NOL6: variants seen among roughly 807,000 people sequenced by gnomAD.
NOL6 encodes nucleolar protein 6.
NOL6 carries 33 observed loss-of-function variants against 131.7 expected under a neutral mutation model. The observed-to-expected ratio is 0.25, with a 90% CI of 0.19 to 0.33. The LOEUF is 0.33. Ranked by LOEUF, NOL6 falls within the 10% of genes least tolerant of loss-of-function variation. NOL6 has a pLI of 1.00. For synonymous variants in NOL6, 580 were observed against 605.7 expected (o/e 0.96, Z 0.62); for missense variants, 1,297 against 1,494.5 (o/e 0.87, Z 2.18).
In NOL6 at chr9:33,465,309, C is replaced by T. The variant is rs1271891824; in HGVS notation, c.2579G>A (p.Arg860Gln). 1 of 1,591,102 alleles carries T rather than the reference C, an allele frequency of 6.3e-7. No individual in the cohort carries two copies. ...ACCAAGAAGCTGGGCACGCACCCAC[C>T]GCTTGGCCAGCCGTGCCACACCAGA... Reference protein sequence around the residue: ...AFSGVARLAKRWVRAQLLGEG... With the variant: ...AFSGVARLAKQWVRAQLLGEG... Residue 860 changes from arginine to glutamine, a missense_variant, in exon 20 of 26, where the codon CGG becomes CAG. Physicochemically the swap from Arg to Gln is conservative, Grantham distance 43. Transcript: ENST00000297990.
In NOL6 at chr9:33,467,896, G is replaced by A. The variant is rs1338862520; in HGVS notation, c.1425-28C>T. 1.9e-6 allele frequency: 3 copies of A among 1,583,048 alleles called. No individual in the cohort carries two copies. The highest frequency in any genetic ancestry group is 1.7e-6 in the Non-Finnish European group (2 of 1,162,442). Reference sequence around the variant, plus strand: ...GGAGGGGTACAAAGGGCCAAAGAGGGGTAATCAGGTTGCTGGCCCCTAGTA... The same window carrying A: ...GGAGGGGTACAAAGGGCCAAAGAGGAGTAATCAGGTTGCTGGCCCCTAGTA... On this transcript the variant is annotated intron_variant, in intron 11 of 25. Transcript: ENST00000297990. This position sits in a 1 kb window ranked among gnomAD's most constrained non-coding sequence, Gnocchi z 4.4.
chr9:33,469,919 C>T (rs1827361031), intron 4 of NOL6, 93 bp downstream of exon 4: 2 of 1,334,126 alleles, frequency 1.5e-6, no homozygotes, highest in Admixed American at 2.5e-5. Context: ...ATTCTGACTT[C>T]AATCCCCTGG....
Position 33,464,863 on chromosome 9 carries a change from C to CT in NOL6, c.2779+15dup. Reference sequence around the variant, plus strand: ...AGCTGTTCTTCCAGCAGTCTGACCCCTGTTCTACCACTTACCAGTGAGCTC... The same window carrying CT: ...AGCTGTTCTTCCAGCAGTCTGACCCCTTGTTCTACCACTTACCAGTGAGCTC... On this transcript the variant is annotated intron_variant, in intron 21 of 25. Transcript: ENST00000297990. 6.3e-7 allele frequency: 1 copy of CT among 1,582,638 alleles called. No individual in the cohort carries two copies. The highest frequency in any genetic ancestry group is 8.7e-7 in the Non-Finnish European group (1 of 1,151,894).
In NOL6 at chr9:33,467,344, T is replaced by A. The variant is rs937088045; in HGVS notation, c.1725+50A>T. 1 of 1,610,162 alleles carries A rather than the reference T, an allele frequency of 6.2e-7. No individual in the cohort carries two copies. The highest frequency in any genetic ancestry group is 8.5e-7 in the Non-Finnish European group (1 of 1,176,786). ...CCAACAAGCTTCAGTCCAGGTGCCA[T>A]GAGGACGAGCCACCCCATTCCTTCC... On this transcript the variant is annotated intron_variant, in intron 13 of 25. Transcript: ENST00000297990. This position sits in a 1 kb window ranked among gnomAD's most constrained non-coding sequence, Gnocchi z 4.4.
Position 33,472,426 on chromosome 9 carries a change from G to A in NOL6, c.55-14C>T, listed in dbSNP as rs1308682506. On this transcript the variant is annotated splice_polypyrimidine_tract_variant and intron_variant, in intron 1 of 25. Coordinates refer to ENST00000297990, the MANE Select transcript of NOL6 (RefSeq NM_022917.5). Reference sequence around the variant, plus strand: ...TGGTTCCATCACCTGTGGCCAGTGAGGGAGAAGCCATTTTGAGGTAATAGG... The same window carrying A: ...TGGTTCCATCACCTGTGGCCAGTGAAGGAGAAGCCATTTTGAGGTAATAGG... The A allele has an allele frequency of 6.2e-7, 1 of 1,608,952 alleles. No individual in the cohort carries two copies.
chr9:33,470,509 G>A (rs1274939103), intron 3 of NOL6: 3 of 166,262 alleles, frequency 1.8e-5, no homozygotes, highest in Non-Finnish European at 3.9e-5. Context: ...TGGCTAACAC[G>A]GTGAAACCCC....
chr9:33,468,104 G>A lies in NOL6; in HGVS notation c.1350C>T (p.Ser450=). ...GCAGGTGGAACCCGTCGTCAGCTCTGCTGTCCAGCAACATCATAGACAGCC... is the reference window on the plus strand; with the variant it reads ...GCAGGTGGAACCCGTCGTCAGCTCTACTGTCCAGCAACATCATAGACAGCC... ...EARLSMMLLD[S]RADDGFHLLL... The change falls in exon 11 of 26, where the codon AGC becomes AGT. Residue 450 remains serine (S), a synonymous_variant. Transcript: ENST00000297990. 6.2e-7 allele frequency: 1 copy of A among 1,614,168 alleles called. No individual in the cohort carries two copies. Among genetic ancestry groups the A allele is most frequent in the Non-Finnish European group, 8.5e-7 (1 of 1,180,030 alleles).
Position 33,461,836 on chromosome 9 carries a change from C to A in NOL6, c.*828G>T. ...GACCAGACTGAAAGGAGGCAGCATT[C>A]TCCTCCTTGGGCCCTGGGAGCTCCT... On this transcript the variant is annotated 3_prime_UTR_variant, in exon 26 of 26. Transcript: ENST00000297990. 1 of 276,632 alleles carries A rather than the reference C, an allele frequency of 3.6e-6. No homozygotes were observed. The highest frequency in any genetic ancestry group is 4.5e-5 in the Admixed American group (1 of 22,138). The allele number at this position is 276,632 out of a possible 1,614,324, so 17.1% of individuals were successfully genotyped here. A position where few individuals can be genotyped will look rare whatever the true frequency, so the allele number is the denominator to read the frequency against.
intron 4 of NOL6, 115 bp from the exon 5 acceptor site, chr9:33,469,782 G>C: frequency 7.7e-6 from 10 of 1,303,582 alleles, no homozygotes; most frequent in Non-Finnish European, 1.1e-5. Flanking sequence ...AAGTGCCTGA[G>C]CCACGGTTAG....
At position 33,461,666 on chromosome 9, in the gene NOL6, G is replaced by A. The variant is rs1827097301; in HGVS notation, c.*998C>T. The A allele has an allele frequency of 1.3e-5, 2 of 155,010 alleles. No homozygotes were observed. Among genetic ancestry groups the A allele is most frequent in the African/African-American group, 4.8e-5 (2 of 41,570 alleles). The allele number at this position is 155,010 out of a possible 1,614,324, so 9.6% of individuals were successfully genotyped here. A position where few individuals can be genotyped will look rare whatever the true frequency, so the allele number is the denominator to read the frequency against. On this transcript the variant is annotated 3_prime_UTR_variant, in exon 26 of 26. Coordinates refer to ENST00000297990, the MANE Select transcript of NOL6 (RefSeq NM_022917.5). ...GCCTGCCAAACGAACTGAACAGACA[G>A]TAACTGCTCTAATAGTTCAGAGGAG...
Position 33,463,427 on chromosome 9 carries a change from C to A in NOL6, c.3009G>T (p.Pro1003=). Reference sequence around the variant, plus strand: ...TCAGCACGTCGTAAATGTCCAAGGGCGGCCGGAACACTGTCTAAGGAAGGG... The same window carrying A: ...TCAGCACGTCGTAAATGTCCAAGGGAGGCCGGAACACTGTCTAAGGAAGGG... ...GPGDIRTVFR[P]PLDIYDVLIR... is the part of the protein sequence containing the mutation. Residue 1003 remains proline (P), a synonymous_variant, in exon 24 of 26, where the codon CCG becomes CCT. Coordinates refer to ENST00000297990, the MANE Select transcript of NOL6 (RefSeq NM_022917.5). The A allele has an allele frequency of 2.5e-6, 4 of 1,611,724 alleles. No homozygotes were observed. Among genetic ancestry groups the A allele is most frequent in the Non-Finnish European group, 3.4e-6 (4 of 1,178,692 alleles).
chr9:33,465,655 G>T, intron 19 of NOL6, 79 bp downstream of exon 19: 2 of 1,475,950 alleles, frequency 1.4e-6, no homozygotes, highest in Non-Finnish European at 1.8e-6. Flanking sequence ...CTGGCCCCTG[G>T]AGAGACAGGT....
chr9:33,462,143 A>G lies in NOL6; in HGVS notation c.*521T>C. ...CCTTCAATGTGGTCTATTCATACAC[A>G]TATAGCCCCTTTCCACTGCTCAGTG... On this transcript the variant is annotated 3_prime_UTR_variant, in exon 26 of 26. Transcript: ENST00000297990. 1 of 717,502 alleles carries G rather than the reference A, an allele frequency of 1.4e-6. No homozygotes were observed. Among genetic ancestry groups the G allele is most frequent in the East Asian group, 2.7e-5 (1 of 37,298 alleles). The allele number at this position is 717,502 out of a possible 1,614,324, so 44.4% of individuals were successfully genotyped here. A position where few individuals can be genotyped will look rare whatever the true frequency, so the allele number is the denominator to read the frequency against.
intron 23 of NOL6, 78 bp from the exon 24 acceptor site, chr9:33,463,519 C>T: frequency 7.5e-7 from 1 of 1,337,146 alleles, no homozygotes; most frequent in Non-Finnish European, 1.0e-6. Context: ...CACACGCCCA[C>T]CTTGGTTTCC....
At chr9:33,471,905 AC>A in intron 3 of NOL6, 98 bp downstream of exon 3, 1 of 871,424 alleles carries the variant, frequency 1.1e-6, no homozygotes, top group Non-Finnish European at 1.9e-6. Flanking sequence ...AGCTCCCTGC[AC>A]CCCAACCCTT....
In NOL6 at chr9:33,472,070, C is replaced by G. The variant is rs771324135; in HGVS notation, c.312G>C (p.Arg104=). 5.0e-6 allele frequency: 8 copies of G among 1,613,808 alleles called. No homozygotes were observed. Among genetic ancestry groups the G allele is most frequent in the Non-Finnish European group, 6.8e-6 (8 of 1,180,048 alleles). The change falls in exon 3 of 26, where the codon CGG becomes CGC. Residue 104 remains arginine (R), a synonymous_variant. Transcript: ENST00000297990. ...TGACCTCCCGTAGGAAGGCATCAAT[C>G]CGATCCTTCTTCTTCTCTGACAGCC... is the stretch of plus-strand genomic sequence containing the variant. The part of the protein sequence containing the change: ...EVRLSEKKKD[R]IDAFLREVNQ...
rs2275228 is a variant in NOL6, at chr9:33,467,579, T to C, written c.1603-63A>G. The C allele has an allele frequency of 0.22, 351,500 of 1,596,068 alleles. 40,136 individuals carry two copies. The highest frequency in any genetic ancestry group is 0.29 in the Admixed American group (16,959 of 58,150). On this transcript the variant is annotated intron_variant, in intron 12 of 25. Transcript: ENST00000297990. The surrounding 1 kb of genome is among the most constrained non-coding windows in gnomAD (Gnocchi z 4.4). ...CCTCCAGCCTGGCCTAGAAACCTAC[T>C]TTCTAGCTAGCTAGAAACGCCTAGC...
Position 33,467,279 on chromosome 9 carries a change from G to T in NOL6, c.1726-17C>A. 6.2e-7 allele frequency: 1 copy of T among 1,613,458 alleles called. No individual in the cohort carries two copies. The highest frequency in any genetic ancestry group is 8.5e-7 in the Non-Finnish European group (1 of 1,179,502). On this transcript the variant is annotated splice_polypyrimidine_tract_variant and intron_variant, in intron 13 of 25. Coordinates refer to ENST00000297990, the MANE Select transcript of NOL6 (RefSeq NM_022917.5). The surrounding 1 kb of genome is among the most constrained non-coding windows in gnomAD (Gnocchi z 4.4). ...TTTAGCAGCCTGAGGAGGCAAGGGT[G>T]GTAGTAGAGCTGGGGAAGGAAGGGC...
At chr9:33,464,826 C>A (rs1380259475) in intron 21 of NOL6, 53 bp downstream of exon 21, 2 of 1,325,742 alleles carry the variant, frequency 1.5e-6, no homozygotes, top group Non-Finnish European at 2.2e-6. Context: ...CCCTTGCCTG[C>A]AATCCATAAA....
Sources: gnomAD v4.1 joint callset for allele counts on GRCh38, gnomAD v4.1.1 for gene constraint, Gnocchi (gnomAD v3.1) non-coding constraint, MANE v1.5 for transcripts, NCBI Gene and HGNC (gene_info 2026-07-23, HGNC 2026-07-21) for gene names.